EXOC5: variants seen among roughly 807,000 people sequenced by gnomAD.
The protein encoded by EXOC5 is SEC10-like 1.
Under a neutral mutation model 90.8 loss-of-function variants are expected in EXOC5, and 17 were observed. The ratio of observed to expected loss-of-function variants is 0.19; its 90% CI spans 0.13 to 0.28. EXOC5 has a LOEUF of 0.28. Ranked by LOEUF, EXOC5 falls within the 10% of genes least tolerant of loss-of-function variation. The probability of loss-of-function intolerance (pLI) is 1.00; values close to 1 mark genes in which losing one functional copy is unlikely to be tolerated. For missense variants in EXOC5, 569 were observed against 830.6 expected (o/e 0.69, Z 3.87); for synonymous variants, 260 against 270.0 (o/e 0.96, Z 0.36).
chr14:57,248,778 C>T (rs1032774873), intron 1 of EXOC5, among the ~76,000 whole-genome samples: 1 of 152,014 alleles, frequency 6.6e-6, no homozygotes, highest in African/African-American at 2.4e-5. Context: ...ATATAAAGTG[C>T]TGACATGTTT....
intron 2 of EXOC5, among the ~76,000 whole-genome samples, chr14:57,247,075 T>C (rs1460788407): frequency 1.3e-5 from 2 of 152,200 alleles, no homozygotes; most frequent in Non-Finnish European, 2.9e-5. Context: ...CCAGGCCACA[T>C]GGCTTTAAAG....
At chr14:57,244,390 A>G (rs1241154022) in intron 3 of EXOC5, 31 bp from the exon 4 acceptor site, 1 of 1,484,104 alleles carries the variant, frequency 6.7e-7, no homozygotes. Flanking sequence ...CATAAAATAC[A>G]ATCAGTGTGC....
rs1882731647 is a variant in EXOC5 at position 57,208,643 on chromosome 14, T to C, written c.2093A>G (p.Tyr698Cys). 1.9e-6 allele frequency: 3 copies of C among 1,609,808 alleles called. No homozygotes were observed. The highest frequency in any genetic ancestry group is 1.1e-5 in the South Asian group (1 of 90,918). ...LHSFVQLRAD[Y>C]RSARLARHFS ...GTGTCGAGCAAGGCGGGCAGATCTA[T>C]AATCAGCACGAAGTTGTACGAAGGA... The change falls in exon 18 of 18, where the codon TAT becomes TGT. Residue 698 changes from tyrosine to cysteine, a missense_variant. Physicochemically the swap from Tyr to Cys is radical, Grantham distance 194. Around this residue, in one of 9 missense-constraint regions of EXOC5, gnomAD observed 122 missense variants for 180.0 expected, o/e 0.68. Coordinates refer to ENST00000621441, the MANE Select transcript of EXOC5 (RefSeq NM_006544.4).
In EXOC5 at chr14:57,213,126, G is replaced by C. The variant is rs548320071; in HGVS notation, c.1614-3065C>G. On this transcript the variant is annotated intron_variant, in intron 15 of 17. Transcript: ENST00000621441. ...CTGCTAGGCATGGTGACTCACACCT[G>C]TAATCCCAGCACTTTGTGAGGCTGA... 2.6e-5 allele frequency among the ~76,000 whole-genome samples: 4 copies of C among 152,180 alleles called. No homozygotes were observed. The East Asian group carries it at 7.8e-4, about 30-fold the overall frequency.
rs1300692016 is a variant in EXOC5 at position 57,200,523 on chromosome 14, C to T, written c.*8086G>A. The T allele has an allele frequency of 6.6e-6, 1 of 151,902 alleles. No individual in the cohort carries two copies. Among genetic ancestry groups the T allele is most frequent in the African/African-American group, 2.4e-5 (1 of 41,348 alleles). The allele number at this position is 151,902 out of a possible 1,614,324, so 9.4% of individuals were successfully genotyped here. ...ATTGTATGATCATTTTTCCTTTGAA[C>T]TTTATTAGTAAAAATATCCTATTGG... is the stretch of plus-strand genomic sequence containing the variant. On this transcript the variant is annotated 3_prime_UTR_variant, in exon 18 of 18. Transcript: ENST00000621441.
rs753837812 is a variant in EXOC5 at position 57,244,219 on chromosome 14, A to G, written c.411T>C (p.Phe137=). The G allele has an allele frequency of 3.1e-6, 5 of 1,613,640 alleles. No individual in the cohort carries two copies. Among genetic ancestry groups the G allele is most frequent in the Admixed American group, 1.7e-5 (1 of 59,996 alleles). ...TCAATTCTCCATCTAGAAACTCATT[A>G]AAGTATTTCATCAATTTCTGAGCCT... ...AVEAQKLMKY[F]NEFLDGELKS... Residue 137 remains phenylalanine (F), a synonymous_variant, in exon 4 of 18, where the codon TTT becomes TTC. Transcript: ENST00000621441.
chr14:57,229,922 T>C (rs1379207280), intron 11 of EXOC5, 41 bp from the exon 12 acceptor site: 7 of 1,265,850 alleles, frequency 5.5e-6, no homozygotes, highest in Admixed American at 5.4e-5. Context: ...GAAAACATTT[T>C]ACTTAGATTT....
At chr14:57,264,384 T>C (rs1243830514) in intron 1 of EXOC5, among the ~76,000 whole-genome samples, 1 of 152,112 alleles carries the variant, frequency 6.6e-6, no homozygotes, top group Admixed American at 6.5e-5. Flanking sequence ...AAGAGACAAA[T>C]AAATGTGGGA....
rs1566509827 is a variant in EXOC5, at chr14:57,266,721, GTA to G, written c.27+1899_27+1900del. 3.3e-4 allele frequency among the ~76,000 whole-genome samples: 36 copies of G among 108,620 alleles called. No individual in the cohort carries two copies. In the South Asian group the frequency reaches 5.8e-3, roughly 17 times the overall value. 71.3% of individuals were successfully genotyped at this position (108,620 alleles called of 152,430 possible). A position where few individuals can be genotyped will look rare whatever the true frequency, so the allele number is the denominator to read the frequency against. On this transcript the variant is annotated intron_variant, in intron 1 of 17. Transcript: ENST00000621441. ...ATATATACGTTATATATATATATGT[GTA>G]TGTGTGTGTGTGTATATATATATAT...
At chr14:57,255,155 G>C (rs1315888088) in intron 1 of EXOC5, among the ~76,000 whole-genome samples, 2 of 152,042 alleles carry the variant, frequency 1.3e-5, no homozygotes, top group Non-Finnish European at 2.9e-5. Flanking sequence ...GGCCCCAACT[G>C]CAAGGGGTCC....
chr14:57,268,480 C>T, intron 1 of EXOC5, 142 bp downstream of exon 1: 2 of 1,494,350 alleles, frequency 1.3e-6, no homozygotes, highest in Non-Finnish European at 1.8e-6. Flanking sequence ...TGACACGGAG[C>T]TGCCACCCCA....
At chr14:57,213,194 G>T (rs1348460556) in intron 15 of EXOC5, among the ~76,000 whole-genome samples, 1 of 151,830 alleles carries the variant, frequency 6.6e-6, no homozygotes, top group Non-Finnish European at 1.5e-5. Context: ...AACAGCCTGG[G>T]CAACATAATG....
chr14:57,219,660 A>G (rs1260479889), intron 13 of EXOC5, among the ~76,000 whole-genome samples: 1 of 152,172 alleles, frequency 6.6e-6, no homozygotes, highest in Non-Finnish European at 1.5e-5. Flanking sequence ...AATGTTCACC[A>G]TCTACTTAGC....
intron 1 of EXOC5, among the ~76,000 whole-genome samples, chr14:57,259,113 T>G (rs910236338): frequency 1.3e-5 from 2 of 151,784 alleles, no homozygotes; most frequent in African/African-American, 4.9e-5. Flanking sequence ...CACACACTTT[T>G]CTTTTTTTTT....
At chr14:57,266,960 G>T (rs1271859291) in intron 1 of EXOC5, among the ~76,000 whole-genome samples, 1 of 152,044 alleles carries the variant, frequency 6.6e-6, no homozygotes, top group Non-Finnish European at 1.5e-5. Context: ...TGTCAAGCAG[G>T]ATTAACTCAA....
chr14:57,242,104 G>A (rs1200519471), intron 4 of EXOC5, among the ~76,000 whole-genome samples: 2 of 146,626 alleles, frequency 1.4e-5, no homozygotes, highest in African/African-American at 5.1e-5. Context: ...CTGCACTCCA[G>A]CCTGGGGGAC....
At chr14:57,262,063 T>G (rs1355859621) in intron 1 of EXOC5, among the ~76,000 whole-genome samples, 1 of 152,140 alleles carries the variant, frequency 6.6e-6, no homozygotes, top group Non-Finnish European at 1.5e-5. Context: ...CTCCTACTTC[T>G]TGGATCATTT....
intron 3 of EXOC5, among the ~76,000 whole-genome samples, chr14:57,246,173 A>C (rs951742237): frequency 4.5e-4 from 69 of 152,286 alleles, no homozygotes; most frequent in African/African-American, 1.5e-3. Context: ...CCCCAGGACC[A>C]ATCTAGTGAT....
chr14:57,236,530 C>T (rs1202456468), intron 6 of EXOC5, among the ~76,000 whole-genome samples: 3 of 152,024 alleles, frequency 2.0e-5, no homozygotes, highest in Non-Finnish European at 2.9e-5. Flanking sequence ...AGGTGATCCA[C>T]CCGCCTCGGC....
Sources: gnomAD v4.1 joint callset for allele counts (sites outside exome capture counted in the v4.1 genomes callset) on GRCh38, gnomAD v4.1.1 for gene constraint, gnomAD v4.1.1 regional missense constraint, MANE v1.5 for transcripts, NCBI Gene and HGNC (gene_info 2026-07-23, HGNC 2026-07-21) for gene names.